The following SEMA6D variants were observed in gnomAD, a reference collection of about 807,000 sequenced individuals.
SEMA6D encodes semaphorin-6D.
In SEMA6D, 35 loss-of-function variants were observed where a neutral mutation model predicts 106.6. The observed-to-expected ratio is 0.33, with a 90% confidence interval of 0.25 to 0.44. The LOEUF is 0.44. Ranked by LOEUF, SEMA6D falls within the 20% of genes least tolerant of loss-of-function variation. SEMA6D has a pLI of 1.00. For missense variants in SEMA6D, 1,185 were observed against 1,345.9 expected, an observed-to-expected ratio of 0.88 and a Z score of 1.87; for synonymous variants, 499 against 487.7, an observed-to-expected ratio of 1.02 and a Z score of -0.31.
At chr15:47,275,706 A>AT (rs2034773567) in intron 1 of SEMA6D, among the ~76,000 whole-genome samples, 2 of 152,176 alleles carry the variant, frequency 1.3e-5, no homozygotes, top group East Asian at 1.9e-4. Context: ...AGACAAAACA[A>AT]TTTTGAATTT....
intron 3 of SEMA6D, among the ~76,000 whole-genome samples, chr15:47,501,698 A>T (rs951577575): frequency 6.6e-6 from 1 of 152,180 alleles, no homozygotes; most frequent in Non-Finnish European, 1.5e-5. Flanking sequence ...ATGGCCAAGG[A>T]GCTGAATATG....
At chr15:47,390,862 C>T (rs189005911) in intron 1 of SEMA6D, among the ~76,000 whole-genome samples, 135 of 152,168 alleles carry the variant, frequency 8.9e-4, no homozygotes, top group Non-Finnish European at 1.7e-3. Flanking sequence ...TTTTTCATAT[C>T]GTTTGCAATT....
At chr15:47,462,706 C>T (rs928644554) in intron 2 of SEMA6D, among the ~76,000 whole-genome samples, 1 of 151,974 alleles carries the variant, frequency 6.6e-6, no homozygotes, top group African/African-American at 2.4e-5. Flanking sequence ...TGAGCCATAG[C>T]GAATTGTGAT....
intron 3 of SEMA6D, among the ~76,000 whole-genome samples, chr15:47,503,262 G>A (rs2043917300): frequency 6.6e-6 from 1 of 152,016 alleles, no homozygotes; most frequent in Admixed American, 6.6e-5. Flanking sequence ...TATTCTCTTT[G>A]AAGTAATATA....
intron 4 of SEMA6D, among the ~76,000 whole-genome samples, chr15:47,693,660 T>G (rs775008181): frequency 2.0e-4 from 31 of 152,226 alleles, no homozygotes; most frequent in Non-Finnish European, 3.8e-4. Context: ...GTGGGCCAGA[T>G]GCCATGGTTC....
At chr15:47,603,734 T>A (rs911948441) in intron 4 of SEMA6D, 2 of 152,078 alleles carry the variant, frequency 1.3e-5, no homozygotes, top group African/African-American at 2.4e-5. Context: ...CTCGCCCCGA[T>A]TATTTCCTTC....
intron 4 of SEMA6D, among the ~76,000 whole-genome samples, chr15:47,612,730 GT>G (rs1211911359): frequency 6.6e-6 from 1 of 151,684 alleles, no homozygotes; most frequent in Non-Finnish European, 1.5e-5. Flanking sequence ...TATGAAGATG[GT>G]TTTGGCAACT....
intron 1 of SEMA6D, among the ~76,000 whole-genome samples, chr15:47,261,531 T>C (rs903136613): frequency 6.6e-6 from 1 of 152,200 alleles, no homozygotes; most frequent in African/African-American, 2.4e-5. Context: ...CGTTGATATA[T>C]ACATCACCCA....
intron 1 of SEMA6D, among the ~76,000 whole-genome samples, chr15:47,227,450 T>C (rs141997229): frequency 1.5e-5 from 2 of 134,334 alleles, no homozygotes; most frequent in African/African-American, 6.0e-5. Flanking sequence ...TTCTTTCTTT[T>C]CTTTCTTTTC....
At chr15:47,259,306 T>G (rs186119848) in intron 1 of SEMA6D, among the ~76,000 whole-genome samples, 141 of 152,326 alleles carry the variant, frequency 9.3e-4, no homozygotes, top group African/African-American at 3.3e-3. Flanking sequence ...GATTACCTTT[T>G]TGTTTAAAGA....
chr15:47,456,121 G>A (rs1846640462), intron 2 of SEMA6D, among the ~76,000 whole-genome samples: 1 of 151,858 alleles, frequency 6.6e-6, no homozygotes, highest in South Asian at 2.1e-4. Flanking sequence ...TGACAATTAG[G>A]ATATAGAACC....
At chr15:47,463,363 C>T (rs1392649122) in intron 2 of SEMA6D, among the ~76,000 whole-genome samples, 2 of 152,188 alleles carry the variant, frequency 1.3e-5, no homozygotes, top group African/African-American at 2.4e-5. Flanking sequence ...TGCTGATCAT[C>T]TCTGCCCATG....
intron 1 of SEMA6D, among the ~76,000 whole-genome samples, chr15:47,721,995 C>T (rs1167716606): frequency 6.6e-6 from 1 of 152,172 alleles, no homozygotes; most frequent in Non-Finnish European, 1.5e-5. Flanking sequence ...TTCTATACCA[C>T]TGGCAGTATT....
intron 1 of SEMA6D, among the ~76,000 whole-genome samples, chr15:47,349,587 G>A (rs2038227857): frequency 1.3e-5 from 2 of 152,148 alleles, no homozygotes; most frequent in South Asian, 4.1e-4. Flanking sequence ...CCAGTATTGT[G>A]TGGGGCTGTA....
chr15:47,441,567 A>G (rs2041884367), intron 2 of SEMA6D, among the ~76,000 whole-genome samples: 1 of 152,148 alleles, frequency 6.6e-6, no homozygotes, highest in African/African-American at 2.4e-5. Flanking sequence ...CAAAATACAC[A>G]GTAGTCTTTT....
intron 1 of SEMA6D, among the ~76,000 whole-genome samples, chr15:47,404,801 T>C (rs946452483): frequency 6.6e-6 from 1 of 152,180 alleles, no homozygotes; most frequent in Non-Finnish European, 1.5e-5. Context: ...TTTATCAGGC[T>C]CATATATGCC....
intron 3 of SEMA6D, among the ~76,000 whole-genome samples, chr15:47,480,778 A>G (rs1169508584): frequency 6.6e-6 from 1 of 152,162 alleles, no homozygotes; most frequent in Non-Finnish European, 1.5e-5. Flanking sequence ...AGTCATCTTA[A>G]TTCTCTTTGT....
intron 1 of SEMA6D, among the ~76,000 whole-genome samples, chr15:47,207,658 C>A (rs1213532526): frequency 6.6e-6 from 1 of 152,062 alleles, no homozygotes; most frequent in Non-Finnish European, 1.5e-5. Context: ...ATCTGCCTGG[C>A]TACCCTATTT....
intron 1 of SEMA6D, among the ~76,000 whole-genome samples, chr15:47,290,607 T>C (rs1379432111): frequency 1.5e-5 from 2 of 134,422 alleles, no homozygotes; most frequent in Non-Finnish European, 3.1e-5. Flanking sequence ...ATATATAACA[T>C]CAATTTAATT....
Sources: gnomAD v4.1 joint callset for allele counts (sites outside exome capture counted in the v4.1 genomes callset) on GRCh38, gnomAD v4.1.1 for gene constraint, MANE v1.5 for transcripts, NCBI Gene and HGNC (gene_info 2026-07-23, HGNC 2026-07-21) for gene names.